The following ATRNL1 variants were observed in gnomAD, a reference collection of about 807,000 sequenced individuals.
ATRNL1 encodes attractin like 1.
In ATRNL1, 95 loss-of-function variants were observed where a neutral mutation model predicts 182.7. That is an observed-to-expected ratio of 0.52 (90% CI 0.44 to 0.62). The LOEUF is 0.62. Among genes scored for constraint, ATRNL1 ranks in the 20% least tolerant of loss-of-function variants. ATRNL1 has a pLI of 0.00. For synonymous variants in ATRNL1, 576 were observed against 568.3 expected (o/e 1.01, Z -0.19); for missense variants, 1,471 against 1,679.5 (o/e 0.88, Z 2.17).
chr10:115,441,945 T>C lies in ATRNL1; in HGVS notation c.3322+15643T>C, dbSNP rs552516772. ...CCTTATACAATATATCCCAAAGATATATATCTTTCTCTCTTCTACTTCTCC... is the reference window on the plus strand; with the variant it reads ...CCTTATACAATATATCCCAAAGATACATATCTTTCTCTCTTCTACTTCTCC... On this transcript the variant is annotated intron_variant, in intron 21 of 28. Coordinates refer to ENST00000355044, the MANE Select transcript of ATRNL1 (RefSeq NM_207303.4). Among the ~76,000 whole-genome samples the C allele has an allele frequency of 1.2e-4, 18 of 152,116 alleles. No homozygotes were observed. The South Asian group carries it at 3.1e-3, about 26-fold the overall frequency.
intron 10 of ATRNL1, among the ~76,000 whole-genome samples, chr10:115,255,951 A>G (rs4328149): frequency 0.35 from 52,994 of 151,776 alleles, 9,625 homozygotes; most frequent in African/African-American, 0.44. Flanking sequence ...ATTGATTTGC[A>G]TACGTTGAAC....
intron 27 of ATRNL1, among the ~76,000 whole-genome samples, chr10:115,730,844 T>G (rs1947776057): frequency 6.6e-6 from 1 of 152,144 alleles, no homozygotes; most frequent in African/African-American, 2.4e-5. Context: ...TTACCTTACA[T>G]GATTACAAGG....
chr10:115,621,501 C>T (rs1231234418), intron 26 of ATRNL1, among the ~76,000 whole-genome samples: 7 of 151,908 alleles, frequency 4.6e-5, no homozygotes, highest in Admixed American at 3.9e-4. Context: ...GGGGTTTTGT[C>T]ATATTGCCCA....
chr10:115,801,461 G>A (rs1032863922), intron 27 of ATRNL1, among the ~76,000 whole-genome samples: 2 of 152,178 alleles, frequency 1.3e-5, no homozygotes, highest in African/African-American at 4.8e-5. Context: ...GCTTCCAACT[G>A]TACTTAACCA....
At chr10:115,118,155 G>A (rs527740905) in intron 1 of ATRNL1, among the ~76,000 whole-genome samples, 2 of 152,050 alleles carry the variant, frequency 1.3e-5, no homozygotes, top group African/African-American at 4.8e-5. Flanking sequence ...TCTGTGGGTT[G>A]TCTCTTCATG....
chr10:115,424,469 T>C (rs1349508534), intron 20 of ATRNL1, among the ~76,000 whole-genome samples: 1 of 152,178 alleles, frequency 6.6e-6, no homozygotes, highest in Non-Finnish European at 1.5e-5. Flanking sequence ...ATTTTGAAGA[T>C]ACATCTGTAC....
intron 26 of ATRNL1, among the ~76,000 whole-genome samples, chr10:115,658,041 A>T (rs1184016044): frequency 6.8e-6 from 1 of 147,616 alleles, no homozygotes; most frequent in African/African-American, 2.5e-5. Context: ...AACTAATATT[A>T]CTCATCATAT....
intron 28 of ATRNL1, among the ~76,000 whole-genome samples, chr10:115,859,862 A>T (rs1289919786): frequency 1.3e-5 from 2 of 152,236 alleles, no homozygotes; most frequent in Admixed American, 6.5e-5. Context: ...GTTGATTACA[A>T]TTATATTAAC....
At chr10:115,690,607 C>A (rs1946359773) in intron 26 of ATRNL1, among the ~76,000 whole-genome samples, 2 of 152,166 alleles carry the variant, frequency 1.3e-5, no homozygotes, top group South Asian at 2.1e-4. Context: ...TTTGAACCAA[C>A]CAACACTGTG....
intron 21 of ATRNL1, among the ~76,000 whole-genome samples, chr10:115,445,779 T>TCAC (rs1846953441): frequency 2.2e-4 from 1 of 4,570 alleles, no homozygotes; most frequent in African/African-American, 1.3e-3. Context: ...CATTCTTTTT[T>TCAC]CACCAGCTAG....
chr10:115,278,363 G>A (rs1195660821), intron 13 of ATRNL1, among the ~76,000 whole-genome samples: 3 of 152,308 alleles, frequency 2.0e-5, no homozygotes, highest in Non-Finnish European at 2.9e-5. Context: ...AACAAAGATT[G>A]ATTCATGAAT....
chr10:115,636,585 A>G (rs1265520867), intron 26 of ATRNL1, among the ~76,000 whole-genome samples: 3 of 152,242 alleles, frequency 2.0e-5, no homozygotes, highest in Non-Finnish European at 4.4e-5. Flanking sequence ...TATGTGAGAA[A>G]CATGTTTCCT....
At chr10:115,175,201 T>C (rs1387668891) in intron 8 of ATRNL1, among the ~76,000 whole-genome samples, 1 of 152,058 alleles carries the variant, frequency 6.6e-6, no homozygotes, top group Non-Finnish European at 1.5e-5. Context: ...TGGCAGAATA[T>C]ATTTCGTGTG....
chr10:115,369,266 G>T (rs1165858399), intron 19 of ATRNL1, among the ~76,000 whole-genome samples: 1 of 150,714 alleles, frequency 6.6e-6, no homozygotes, highest in African/African-American at 2.4e-5. Context: ...TTGTGTGAGG[G>T]GGATGGGGTA....
At chr10:115,613,848 A>G (rs988323103) in intron 26 of ATRNL1, among the ~76,000 whole-genome samples, 5 of 151,850 alleles carry the variant, frequency 3.3e-5, no homozygotes, top group Non-Finnish European at 7.4e-5. Flanking sequence ...TTGCATTTCT[A>G]TGATATCAGT....
intron 19 of ATRNL1, among the ~76,000 whole-genome samples, chr10:115,340,293 C>T (rs1855679904): frequency 6.6e-6 from 1 of 151,990 alleles, no homozygotes. Flanking sequence ...CAGGTATGTG[C>T]CAACAAGCCT....
chr10:115,834,406 A>G (rs1950623632), intron 27 of ATRNL1, among the ~76,000 whole-genome samples: 1 of 152,154 alleles, frequency 6.6e-6, no homozygotes, highest in African/African-American at 2.4e-5. Context: ...TAAGTTTAGT[A>G]TATATGTCTG....
intron 27 of ATRNL1, among the ~76,000 whole-genome samples, chr10:115,765,957 T>G (rs1279713955): frequency 1.1e-5 from 1 of 91,166 alleles, no homozygotes; most frequent in African/African-American, 4.1e-5. Flanking sequence ...TGTCCAGCTC[T>G]CCTTATTAAC....
chr10:115,259,423 C>T (rs1171663054), intron 10 of ATRNL1, among the ~76,000 whole-genome samples: 5 of 152,196 alleles, frequency 3.3e-5, no homozygotes, highest in Admixed American at 1.3e-4. Flanking sequence ...ACCTACCAAG[C>T]CAGGCACTGG....
Sources: allele counts gnomAD v4.1 joint callset (sites outside exome capture counted in the v4.1 genomes callset), GRCh38; gene constraint gnomAD v4.1.1; transcripts MANE v1.5; gene names NCBI Gene and HGNC (gene_info 2026-07-23, HGNC 2026-07-21).